The following SNX8 variants were observed in gnomAD, a reference collection of about 807,000 sequenced individuals.
SNX8 encodes sorting nexin-8.
In SNX8, 25 loss-of-function variants were observed where a neutral mutation model predicts 51.6. That is an observed-to-expected ratio of 0.48 (90% CI 0.35 to 0.68). The LOEUF (loss-of-function observed/expected upper bound fraction) is 0.68, where lower values mean the gene tolerates loss of function less well. SNX8 is among the 30% of genes least tolerant of loss of function. The pLI, the probability that SNX8 is intolerant of heterozygous loss-of-function variation, is 0.00. For synonymous variants in SNX8, 324 were observed against 277.0 expected (o/e 1.17, Z -1.68); for missense variants, 695 against 624.0 (o/e 1.11, Z -1.21).
At chr7:2,351,066 A>G (rs1393714653) in intron 1 of SNX8, among the ~76,000 whole-genome samples, 2 of 152,142 alleles carry the variant, frequency 1.3e-5, no homozygotes, top group African/African-American at 4.8e-5. Flanking sequence ...GCAGTGAGCC[A>G]TGATTGCGCC....
intron 1 of SNX8, among the ~76,000 whole-genome samples, chr7:2,304,540 T>C (rs1796504283): frequency 6.7e-6 from 1 of 149,304 alleles, no homozygotes; most frequent in Non-Finnish European, 1.5e-5. Context: ...CGAGACTCCA[T>C]CTCAAAAAAA....
At chr7:2,279,802 C>T (rs1192643028) in intron 1 of SNX8, among the ~76,000 whole-genome samples, 4 of 151,476 alleles carry the variant, frequency 2.6e-5, no homozygotes, top group Admixed American at 6.6e-5. Flanking sequence ...AAGGCTTCCA[C>T]CTGCTCACGA....
intron 1 of SNX8, among the ~76,000 whole-genome samples, chr7:2,296,799 G>A (rs913110567): frequency 4.3e-4 from 65 of 151,416 alleles, no homozygotes; most frequent in Admixed American, 2.7e-3. Context: ...GCATGGTGGC[G>A]GACACCTGTA....
At chr7:2,304,581 C>T (rs931983275) in intron 1 of SNX8, among the ~76,000 whole-genome samples, 1 of 152,034 alleles carries the variant, frequency 6.6e-6, no homozygotes, top group Non-Finnish European at 1.5e-5. Context: ...AGGACAGGGG[C>T]AGATGGGAAT....
At chr7:2,315,259 A>G (rs1049584386), upstream of SNX8, among the ~76,000 whole-genome samples, 2 of 95,884 alleles carry the variant, frequency 2.1e-5, no homozygotes, top group Non-Finnish European at 4.3e-5. Context: ...CACGCACTGC[A>G]TCCTGCATTC....
chr7:2,259,300 C>G (rs1255938707), intron 7 of SNX8, among the ~76,000 whole-genome samples: 2 of 152,214 alleles, frequency 1.3e-5, no homozygotes, highest in Non-Finnish European at 2.9e-5. Context: ...TCAGTCACAC[C>G]CGGGCCCTGA....
chr7:2,320,944 C>T (rs1333466072), intron 1 of SNX8, among the ~76,000 whole-genome samples: 1 of 151,574 alleles, frequency 6.6e-6, no homozygotes, highest in African/African-American at 2.4e-5. Flanking sequence ...AGCTTGAACC[C>T]GGCAGGTGGA....
chr7:2,268,462 C>CT (rs1190606812), intron 5 of SNX8, among the ~76,000 whole-genome samples: 2 of 140,200 alleles, frequency 1.4e-5, no homozygotes, highest in Admixed American at 6.9e-5. Context: ...GGGGGGTCAG[C>CT]CCCCCGCCCG....
At position 2,293,780 on chromosome 7, in the gene SNX8, T is replaced by C. The variant is rs575507991; in HGVS notation, c.95-15475A>G. Among the ~76,000 whole-genome samples, 3 of 147,878 alleles carry C rather than the reference T, an allele frequency of 2.0e-5. No individual in the cohort carries two copies. The South Asian group carries it at 6.4e-4, about 32-fold the overall frequency. ...GAGTTCGAGACCTGCCTGGCCAACA[T>C]GGTGAAATCCCGTCTCTACTAAAAA... On this transcript the variant is annotated intron_variant, in intron 1 of 10. Transcript: ENST00000222990.
chr7:2,261,798 C>G (rs1795342874), intron 7 of SNX8, among the ~76,000 whole-genome samples: 1 of 152,228 alleles, frequency 6.6e-6, no homozygotes, highest in Non-Finnish European at 1.5e-5. Flanking sequence ...ATCGAATTTC[C>G]TCTTCAGCAC....
chr7:2,341,102 T>C (rs1054735109), intron 1 of SNX8, among the ~76,000 whole-genome samples: 2 of 148,424 alleles, frequency 1.3e-5, no homozygotes, highest in Non-Finnish European at 3.0e-5. Flanking sequence ...CCCAAGTGGT[T>C]GGGGCTGCAA....
intron 1 of SNX8, among the ~76,000 whole-genome samples, chr7:2,297,550 CAAAAAAA>C (rs145543350): frequency 0.047 from 1,890 of 40,252 alleles, 35 homozygotes; most frequent in Middle Eastern, 0.12. Context: ...AACCCCGCCG[CAAAAAAA>C]AAAAAAAAAA....
chr7:2,312,751 C>T (rs898509297), intron 1 of SNX8, among the ~76,000 whole-genome samples: 1 of 151,116 alleles, frequency 6.6e-6, no homozygotes, highest in South Asian at 2.1e-4. Context: ...ATTCCCCAAT[C>T]TTGTCCCCCC....
At chr7:2,282,364 C>T (rs751527711) in intron 1 of SNX8, among the ~76,000 whole-genome samples, 1 of 152,150 alleles carries the variant, frequency 6.6e-6, no homozygotes, top group Non-Finnish European at 1.5e-5. Flanking sequence ...GCAGCTGTCA[C>T]AGAAACCAGG....
intron 1 of SNX8, among the ~76,000 whole-genome samples, chr7:2,352,690 G>C (rs1779175084): frequency 6.6e-6 from 1 of 152,014 alleles, no homozygotes; most frequent in South Asian, 2.1e-4. Context: ...AAAAAAATCA[G>C]CCAGGCGTGG....
At chr7:2,321,350 C>T (rs561657524) in intron 1 of SNX8, among the ~76,000 whole-genome samples, 3 of 152,274 alleles carry the variant, frequency 2.0e-5, no homozygotes, top group South Asian at 2.1e-4. Context: ...TGCACCGACA[C>T]GTCTGCCTTC....
chr7:2,312,007 A>G (rs1423170268), intron 1 of SNX8, among the ~76,000 whole-genome samples: 1 of 151,982 alleles, frequency 6.6e-6, no homozygotes, highest in African/African-American at 2.4e-5. Flanking sequence ...TTTCAAACAG[A>G]AGGACAGTCT....
intron 1 of SNX8, among the ~76,000 whole-genome samples, chr7:2,334,976 A>G (rs1778800175): frequency 6.6e-6 from 1 of 151,594 alleles, no homozygotes; most frequent in African/African-American, 2.4e-5. Context: ...TGGATGGATG[A>G]CCTGACGTCA....
intron 6 of SNX8, 40 bp from the exon 7 acceptor site, chr7:2,263,402 C>T (rs1255645140): frequency 6.5e-7 from 1 of 1,544,044 alleles, no homozygotes; most frequent in Non-Finnish European, 8.8e-7. Flanking sequence ...CACTCAAGGC[C>T]TGGAGCTCAC....
Sources: allele counts gnomAD v4.1 joint callset (sites outside exome capture counted in the v4.1 genomes callset), GRCh38; gene constraint gnomAD v4.1.1; transcripts MANE v1.5; gene names NCBI Gene and HGNC (gene_info 2026-07-23, HGNC 2026-07-21).